The following CSMD3 variants were observed in gnomAD, a reference collection of about 807,000 sequenced individuals.
CSMD3 encodes CUB and sushi domain-containing protein 3.
CSMD3 carries 177 observed loss-of-function variants against 435.2 expected under a neutral mutation model. That is an observed-to-expected ratio of 0.41 (90% CI 0.36 to 0.46). CSMD3 has a LOEUF of 0.46. Among genes scored for constraint, CSMD3 ranks in the 20% least tolerant of loss-of-function variants. The pLI, the probability that CSMD3 is intolerant of heterozygous loss-of-function variation, is 0.34. For synonymous variants in CSMD3, 1,656 were observed against 1,520.5 expected (o/e 1.09, Z -2.07); for missense variants, 4,265 against 4,504.6 (o/e 0.95, Z 1.52).
At chr8:113,197,088 T>G (rs1166453223) in intron 3 of CSMD3, among the ~76,000 whole-genome samples, 1 of 151,104 alleles carries the variant, frequency 6.6e-6, no homozygotes, top group Non-Finnish European at 1.5e-5. Context: ...TTAAATAGAG[T>G]GATAATAATA....
chr8:113,227,474 G>T (rs1336355361), intron 3 of CSMD3, among the ~76,000 whole-genome samples: 2 of 151,626 alleles, frequency 1.3e-5, no homozygotes, highest in Non-Finnish European at 3.0e-5. Flanking sequence ...GATCAGGCAT[G>T]AATATCATAC....
chr8:112,372,281 T>C (rs866257463), intron 38 of CSMD3, among the ~76,000 whole-genome samples: 59 of 152,270 alleles, frequency 3.9e-4, no homozygotes, highest in African/African-American at 1.3e-3. Flanking sequence ...TATTACAAAA[T>C]TCATGTGTGA....
intron 3 of CSMD3, among the ~76,000 whole-genome samples, chr8:113,265,376 T>G (rs2093461346): frequency 6.6e-6 from 1 of 151,598 alleles, no homozygotes; most frequent in Non-Finnish European, 1.5e-5. Flanking sequence ...TTGATATGCA[T>G]TAATAGTGTT....
chr8:112,494,516 T>TTTCTTTCTTTC (rs1821092929), intron 30 of CSMD3, among the ~76,000 whole-genome samples: 1 of 121,926 alleles, frequency 8.2e-6, no homozygotes, highest in African/African-American at 3.1e-5. Flanking sequence ...TCTTTCTTTC[T>TTTCTTTCTTTC]TTCTTTCTTT....
At chr8:112,841,277 C>T (rs1388933638) in intron 11 of CSMD3, among the ~76,000 whole-genome samples, 1 of 151,594 alleles carries the variant, frequency 6.6e-6, no homozygotes, top group Non-Finnish European at 1.5e-5. Context: ...ACCCACTATG[C>T]CAAGGGCCCC....
At chr8:113,183,468 T>A (rs1244225837) in intron 3 of CSMD3, among the ~76,000 whole-genome samples, 2 of 152,036 alleles carry the variant, frequency 1.3e-5, no homozygotes, top group Non-Finnish European at 2.9e-5. Flanking sequence ...TGGAGCTACC[T>A]TGAGGTGATC....
At chr8:112,231,737 G>A in intron 68 of CSMD3, 105 bp from the exon 69 acceptor site, 2 of 803,572 alleles carry the variant, frequency 2.5e-6, no homozygotes, top group Non-Finnish European at 4.3e-6. Flanking sequence ...ATTATCACAA[G>A]TTCCTTTCTT....
chr8:112,731,852 T>C (rs1476707704), intron 13 of CSMD3, among the ~76,000 whole-genome samples: 2 of 152,132 alleles, frequency 1.3e-5, no homozygotes, highest in East Asian at 1.9e-4. Context: ...AGGTATATTA[T>C]TGAAAGAAAA....
intron 1 of CSMD3, among the ~76,000 whole-genome samples, chr8:113,355,718 ATTTT>A (rs373063558): frequency 0.63 from 49,142 of 77,724 alleles, 14,865 homozygotes; most frequent in Non-Finnish European, 0.73. Context: ...TAAAAGTTTT[ATTTT>A]TATATATATA....
chr8:112,438,533 C>T (rs1201335663), intron 32 of CSMD3, among the ~76,000 whole-genome samples: 2 of 152,034 alleles, frequency 1.3e-5, no homozygotes, highest in African/African-American at 2.4e-5. Flanking sequence ...CTTGGATTTG[C>T]TATTTGAAAT....
At chr8:113,112,889 G>A (rs903886162) in intron 4 of CSMD3, among the ~76,000 whole-genome samples, 2 of 152,114 alleles carry the variant, frequency 1.3e-5, no homozygotes, top group Non-Finnish European at 1.5e-5. Context: ...TTTTGCAAGT[G>A]GAGTACTGGC....
intron 24 of CSMD3, among the ~76,000 whole-genome samples, chr8:112,557,461 T>C (rs924339303): frequency 1.3e-5 from 2 of 151,924 alleles, no homozygotes; most frequent in African/African-American, 4.8e-5. Flanking sequence ...ACCAACCATA[T>C]GATTAGAAGG....
intron 1 of CSMD3, among the ~76,000 whole-genome samples, chr8:113,365,979 A>G (rs1255276573): frequency 6.6e-6 from 1 of 152,060 alleles, no homozygotes; most frequent in African/African-American, 2.4e-5. Context: ...TAATCAATAC[A>G]TTTAAAAATA....
At chr8:112,412,402 C>A (rs1022358906) in intron 32 of CSMD3, among the ~76,000 whole-genome samples, 1 of 151,974 alleles carries the variant, frequency 6.6e-6, no homozygotes, top group African/African-American at 2.4e-5. Context: ...ATACAGAATT[C>A]CCTGCATCTC....
intron 66 of CSMD3, among the ~76,000 whole-genome samples, chr8:112,239,461 G>A (rs918977170): frequency 2.0e-5 from 3 of 151,990 alleles, no homozygotes; most frequent in Non-Finnish European, 2.9e-5. Flanking sequence ...GCTATGTTGA[G>A]CCTAGAGAAT....
intron 50 of CSMD3, among the ~76,000 whole-genome samples, chr8:112,308,780 T>C (rs1231303534): frequency 6.6e-6 from 1 of 152,066 alleles, no homozygotes; most frequent in African/African-American, 2.4e-5. Flanking sequence ...ACTAATTTTC[T>C]ATGTTTATCC....
At chr8:113,391,539 GT>G (rs1353591739) in intron 1 of CSMD3, among the ~76,000 whole-genome samples, 4 of 151,968 alleles carry the variant, frequency 2.6e-5, no homozygotes, top group Admixed American at 2.6e-4. Flanking sequence ...GTTATACCTA[GT>G]TTTGGGGATG....
intron 3 of CSMD3, among the ~76,000 whole-genome samples, chr8:113,228,000 A>C (rs1473674589): frequency 6.6e-6 from 1 of 151,600 alleles, no homozygotes; most frequent in Non-Finnish European, 1.5e-5. Context: ...CTGTGTTCTT[A>C]GGTCATTTTT....
At chr8:112,317,797 T>A (rs1822611731) in intron 47 of CSMD3, among the ~76,000 whole-genome samples, 1 of 152,050 alleles carries the variant, frequency 6.6e-6, no homozygotes, top group Non-Finnish European at 1.5e-5. Flanking sequence ...AATTTTATAG[T>A]ATGCTTAAAA....
Sources: allele counts gnomAD v4.1 joint callset (sites outside exome capture counted in the v4.1 genomes callset), GRCh38; gene constraint gnomAD v4.1.1; transcripts MANE v1.5; gene names NCBI Gene and HGNC (gene_info 2026-07-23, HGNC 2026-07-21).